GUCY1A2: variants seen among roughly 807,000 people sequenced by gnomAD.
GUCY1A2 encodes guanylate cyclase 1 soluble subunit alpha 2.
A neutral mutation model predicts 63.5 loss-of-function variants in GUCY1A2; 27 were observed. The ratio of observed to expected loss-of-function variants is 0.43; its 90% CI spans 0.31 to 0.59. The LOEUF (loss-of-function observed/expected upper bound fraction) is 0.59, where lower values mean the gene tolerates loss of function less well. Among genes scored for constraint, GUCY1A2 ranks in the 20% least tolerant of loss-of-function variants. The pLI is 0.11. For missense variants in GUCY1A2, 768 were observed against 913.3 expected (o/e 0.84, Z 2.05); for synonymous variants, 364 against 343.5 (o/e 1.06, Z -0.66).
intron 4 of GUCY1A2, among the ~76,000 whole-genome samples, chr11:106,912,308 A>G (rs1860306109): frequency 6.6e-6 from 1 of 152,048 alleles, no homozygotes; most frequent in Non-Finnish European, 1.5e-5. Context: ...CTGCCACTTA[A>G]AAAATATTTC....
Position 106,684,592 on chromosome 11 carries a change from T to C in GUCY1A2, c.*2957A>G, listed in dbSNP as rs1425238833. On this transcript the variant is annotated 3_prime_UTR_variant, in exon 8 of 8. Coordinates refer to ENST00000526355, the MANE Select transcript of GUCY1A2 (RefSeq NM_000855.3). ...ATTCTCTCCATCAAAATAATCCTGA[T>C]ACCAACGTGATGCTTTGGTGCTAAT... 1 of 200,100 alleles carries C rather than the reference T, an allele frequency of 5.0e-6. No homozygotes were observed. The highest frequency in any genetic ancestry group is 7.8e-5 in the East Asian group (1 of 12,868). 12.4% of individuals were successfully genotyped at this position (200,100 alleles called of 1,614,324 possible).
Position 106,807,295 on chromosome 11 carries a change from T to C in GUCY1A2, c.1692+2698A>G, listed in dbSNP as rs1858702723. Among the ~76,000 whole-genome samples the C allele has an allele frequency of 2.6e-5, 4 of 152,208 alleles. No homozygotes were observed. In the South Asian group the frequency reaches 8.3e-4, roughly 31 times the overall value. On this transcript the variant is annotated intron_variant, in intron 5 of 7. Transcript: ENST00000526355. ...CTGGCAAATAGTTCATGGTTTAAAA[T>C]AGCACTGTGTGTATTTTCTAGAAAA... is the stretch of plus-strand genomic sequence containing the variant.
At chr11:106,849,046 T>C (rs913093560) in intron 4 of GUCY1A2, among the ~76,000 whole-genome samples, 12 of 151,594 alleles carry the variant, frequency 7.9e-5, no homozygotes, top group African/African-American at 2.2e-4. Flanking sequence ...TAAGATTGTA[T>C]AGAGTATCTT....
intron 4 of GUCY1A2, among the ~76,000 whole-genome samples, chr11:106,909,392 C>CGTGTGTGTGT (rs1408056529): frequency 7.4e-6 from 1 of 135,592 alleles, no homozygotes; most frequent in African/African-American, 2.7e-5. Flanking sequence ...TGTGTGTGTA[C>CGTGTGTGTGT]GCTTTTCATT....
chr11:106,826,430 G>A, intron 4 of GUCY1A2: 1 of 1,566,692 alleles, frequency 6.4e-7, no homozygotes, highest in South Asian at 1.1e-5. Flanking sequence ...TTTGGATCTA[G>A]CAGATCTTCT....
intron 4 of GUCY1A2, among the ~76,000 whole-genome samples, chr11:106,850,329 T>C (rs892397907): frequency 1.3e-5 from 2 of 151,780 alleles, no homozygotes; most frequent in Non-Finnish European, 3.0e-5. Context: ...ACCTCAAACA[T>C]TTATTATTAC....
chr11:106,840,950 A>AAT (rs1231349691), intron 4 of GUCY1A2, among the ~76,000 whole-genome samples: 1 of 151,990 alleles, frequency 6.6e-6, no homozygotes, highest in Non-Finnish European at 1.5e-5. Flanking sequence ...AAATGGTAAT[A>AAT]ATAGAAGTCC....
chr11:106,758,948 T>A (rs1203591232), intron 6 of GUCY1A2, among the ~76,000 whole-genome samples: 1 of 152,050 alleles, frequency 6.6e-6, no homozygotes, highest in Non-Finnish European at 1.5e-5. Context: ...GAATGTCAAA[T>A]TTATTCATAT....
chr11:106,809,344 T>C (rs943175489), intron 5 of GUCY1A2, among the ~76,000 whole-genome samples: 1 of 152,106 alleles, frequency 6.6e-6, no homozygotes, highest in African/African-American at 2.4e-5. Context: ...GCTAAATGAC[T>C]CAAAATATTG....
intron 4 of GUCY1A2, among the ~76,000 whole-genome samples, chr11:106,853,043 T>C (rs1296235413): frequency 6.6e-6 from 1 of 152,198 alleles, no homozygotes; most frequent in Non-Finnish European, 1.5e-5. Context: ...TACATGTAAC[T>C]GAATTCTTTT....
intron 5 of GUCY1A2, among the ~76,000 whole-genome samples, chr11:106,787,120 T>C (rs768670735): frequency 2.0e-5 from 3 of 151,122 alleles, no homozygotes; most frequent in Non-Finnish European, 4.4e-5. Flanking sequence ...TTTTTATTAA[T>C]TTTTTATTTT....
chr11:106,701,863 C>T (rs959450857), intron 7 of GUCY1A2, among the ~76,000 whole-genome samples: 4 of 152,252 alleles, frequency 2.6e-5, no homozygotes, highest in African/African-American at 9.6e-5. Context: ...GCATTGTAAA[C>T]ACTTATCAAA....
At chr11:106,874,052 T>C (rs544898752) in intron 4 of GUCY1A2, among the ~76,000 whole-genome samples, 9 of 152,336 alleles carry the variant, frequency 5.9e-5, no homozygotes, top group African/African-American at 2.2e-4. Flanking sequence ...TAGAATATTT[T>C]AGTAGCCTGT....
intron 4 of GUCY1A2, chr11:106,936,797 A>G (rs1860684371): frequency 5.9e-6 from 4 of 682,436 alleles, no homozygotes; most frequent in Non-Finnish European, 9.9e-6. Flanking sequence ...AGAGCCCTCA[A>G]TGTTAGAAGA....
intron 1 of GUCY1A2, among the ~76,000 whole-genome samples, chr11:107,008,031 C>G (rs145183321): frequency 0.014 from 2,085 of 149,700 alleles, 67 homozygotes; most frequent in South Asian, 0.047. Context: ...GCCTGTAATC[C>G]CAGTACTTTG....
At chr11:106,839,018 A>T (rs570859964) in intron 4 of GUCY1A2, among the ~76,000 whole-genome samples, 11 of 151,766 alleles carry the variant, frequency 7.2e-5, no homozygotes, top group Non-Finnish European at 1.3e-4. Context: ...TTGTTGCCAT[A>T]GCTTTTGGTG....
intron 3 of GUCY1A2, among the ~76,000 whole-genome samples, chr11:106,941,785 C>T (rs962366373): frequency 3.3e-5 from 5 of 152,164 alleles, no homozygotes; most frequent in Admixed American, 6.5e-5. Context: ...CTTCTGGTAG[C>T]CAAGAAGTCA....
intron 6 of GUCY1A2, among the ~76,000 whole-genome samples, chr11:106,714,285 A>T (rs1863179269): frequency 6.6e-6 from 1 of 152,132 alleles, no homozygotes; most frequent in Non-Finnish European, 1.5e-5. Flanking sequence ...AGTATCAACA[A>T]CCACATAAAC....
intron 3 of GUCY1A2, among the ~76,000 whole-genome samples, chr11:106,952,420 A>T (rs140913586): frequency 0.012 from 1,821 of 152,108 alleles, 24 homozygotes; most frequent in South Asian, 0.047. Context: ...TTCCTTGAGC[A>T]GTGGTTTGTA....
Sources: gnomAD v4.1 joint callset for allele counts (sites outside exome capture counted in the v4.1 genomes callset) on GRCh38, gnomAD v4.1.1 for gene constraint, MANE v1.5 for transcripts, NCBI Gene and HGNC (gene_info 2026-07-23, HGNC 2026-07-21) for gene names.